The following HPSE2 variants were observed in gnomAD, a reference collection of about 807,000 sequenced individuals.
HPSE2 encodes heparanase 2 (inactive).
In HPSE2, 38 loss-of-function variants were observed where a neutral mutation model predicts 60.5. That is an observed-to-expected ratio of 0.63 (90% CI 0.48 to 0.82). The LOEUF (loss-of-function observed/expected upper bound fraction) is 0.82, where lower values mean the gene tolerates loss of function less well. Ranked by LOEUF, HPSE2 falls within the 40% of genes least tolerant of loss-of-function variation. The pLI, the probability that HPSE2 is intolerant of heterozygous loss-of-function variation, is 0.00. For synonymous variants in HPSE2, 295 were observed against 293.2 expected (o/e 1.01, Z -0.06); for missense variants, 713 against 740.4 (o/e 0.96, Z 0.43).
At chr10:98,545,713 A>G (rs1943648085) in intron 9 of HPSE2, among the ~76,000 whole-genome samples, 1 of 152,032 alleles carries the variant, frequency 6.6e-6, no homozygotes, top group Admixed American at 6.5e-5. Flanking sequence ...ATGGGCAAAA[A>G]CTGGAAGCAT....
intron 2 of HPSE2, among the ~76,000 whole-genome samples, chr10:99,230,569 G>T (rs527448779): frequency 6.6e-6 from 1 of 151,932 alleles, no homozygotes; most frequent in East Asian, 1.9e-4. Context: ...ACAGGGCACT[G>T]CCTTCTGCCA....
At chr10:99,003,420 G>A (rs1450436632) in intron 3 of HPSE2, among the ~76,000 whole-genome samples, 1 of 152,018 alleles carries the variant, frequency 6.6e-6, no homozygotes, top group Non-Finnish European at 1.5e-5. Flanking sequence ...TGAGGAATGT[G>A]CATTCTATTT....
intron 2 of HPSE2, among the ~76,000 whole-genome samples, chr10:99,209,593 C>A (rs1010539295): frequency 6.6e-6 from 1 of 151,438 alleles, no homozygotes; most frequent in Non-Finnish European, 1.5e-5. Flanking sequence ...CAAACTAGGC[C>A]CAAAGTTAGT....
intron 3 of HPSE2, among the ~76,000 whole-genome samples, chr10:99,016,863 T>C (rs2135415972): frequency 1.3e-5 from 2 of 152,260 alleles, no homozygotes; most frequent in South Asian, 4.1e-4. Flanking sequence ...ATGCTAGTGA[T>C]TTTTGCATAT....
chr10:98,745,810 C>T (rs1327164761), intron 3 of HPSE2, among the ~76,000 whole-genome samples: 1 of 152,112 alleles, frequency 6.6e-6, no homozygotes, highest in Admixed American at 6.6e-5. Flanking sequence ...TGCAGAGTTT[C>T]TCAAATGGGG....
chr10:99,044,057 T>C (rs757482130), intron 3 of HPSE2, among the ~76,000 whole-genome samples: 6 of 152,106 alleles, frequency 3.9e-5, no homozygotes, highest in African/African-American at 1.2e-4. Context: ...CTAAGGCACA[T>C]AGTCATCAGA....
intron 6 of HPSE2, among the ~76,000 whole-genome samples, chr10:98,660,637 T>G (rs1271463588): frequency 6.6e-6 from 1 of 152,208 alleles, no homozygotes; most frequent in African/African-American, 2.4e-5. Context: ...TCTCTGCACT[T>G]TGGCTTTCCC....
chr10:98,984,207 C>T (rs1956278885), intron 3 of HPSE2, among the ~76,000 whole-genome samples: 1 of 152,230 alleles, frequency 6.6e-6, no homozygotes, highest in Admixed American at 6.5e-5. Context: ...AAGCAGGTCC[C>T]TGACCCCCAA....
intron 9 of HPSE2, among the ~76,000 whole-genome samples, chr10:98,601,513 G>C (rs560749): frequency 0.92 from 139,517 of 152,242 alleles, 64,818 homozygotes; most frequent in East Asian, 1. Flanking sequence ...ACTACCAACC[G>C]TGATTATCTC....
In HPSE2 at chr10:98,600,926, T is replaced by TATATATATATATATATA. The variant is rs1554950578; in HGVS notation, c.1320+13977_1320+13978insTATATATATATATATAT. Among the ~76,000 whole-genome samples the TATATATATATATATATA allele has an allele frequency of 6.5e-3, 703 of 107,842 alleles. 13 individuals carry two copies. The highest frequency in any genetic ancestry group is 0.01 in the South Asian group (32 of 3,054). 70.7% of individuals were successfully genotyped at this position (107,842 alleles called of 152,430 possible). A position where few individuals can be genotyped will look rare whatever the true frequency, so the allele number is the denominator to read the frequency against. ...ATGTGTGTGTGTATATATATATATA[T>TATATATATATATATATA]ATATATATATATATAGAAAGAGAGA... is the stretch of plus-strand genomic sequence containing the variant. On this transcript the variant is annotated intron_variant, in intron 9 of 11. Coordinates refer to ENST00000370552, the MANE Select transcript of HPSE2 (RefSeq NM_021828.5).
At chr10:99,114,640 T>C (rs1241059677) in intron 3 of HPSE2, among the ~76,000 whole-genome samples, 16 of 151,884 alleles carry the variant, frequency 1.1e-4, no homozygotes, top group Non-Finnish European at 5.9e-5. Context: ...AATGGCTGGG[T>C]GCGGTGGCTC....
At chr10:98,500,804 G>T (rs753039535) in intron 9 of HPSE2, among the ~76,000 whole-genome samples, 3 of 151,862 alleles carry the variant, frequency 2.0e-5, no homozygotes, top group Non-Finnish European at 4.4e-5. Flanking sequence ...AAGAAGAAAA[G>T]AAGATTAAGA....
the HPSE2 span, among the ~76,000 whole-genome samples, chr10:99,272,499 T>C: frequency 4.6e-5 from 7 of 150,696 alleles, no homozygotes; most frequent in African/African-American, 1.5e-4. Context: ...GCCCACAGAG[T>C]GGGAGAAAAT....
At chr10:98,668,678 C>T (rs1253882693) in intron 6 of HPSE2, among the ~76,000 whole-genome samples, 5 of 152,046 alleles carry the variant, frequency 3.3e-5, no homozygotes, top group African/African-American at 7.2e-5. Flanking sequence ...ATTCAATCAA[C>T]GGTGCTGGAA....
At chr10:98,516,398 A>G (rs1190389324) in intron 9 of HPSE2, among the ~76,000 whole-genome samples, 1 of 152,200 alleles carries the variant, frequency 6.6e-6, no homozygotes, top group Non-Finnish European at 1.5e-5. Context: ...ATGTAGCTAA[A>G]TCTCCCTATT....
At chr10:98,683,786 C>A (rs1947844439) in intron 6 of HPSE2, among the ~76,000 whole-genome samples, 1 of 151,886 alleles carries the variant, frequency 6.6e-6, no homozygotes, top group Non-Finnish European at 1.5e-5. Flanking sequence ...GAAAATTTCC[C>A]TAAACTGAAG....
intron 9 of HPSE2, among the ~76,000 whole-genome samples, chr10:98,525,533 G>C (rs1446323180): frequency 2.6e-5 from 4 of 152,250 alleles, no homozygotes; most frequent in Non-Finnish European, 5.9e-5. Context: ...GACAATGAAA[G>C]GAAAAGCTAC....
At chr10:98,733,353 C>G (rs1002856052) in intron 4 of HPSE2, among the ~76,000 whole-genome samples, 26 of 152,212 alleles carry the variant, frequency 1.7e-4, no homozygotes, top group African/African-American at 5.8e-4. Context: ...AACTCCTGAG[C>G]TCAAACAATC....
intron 3 of HPSE2, among the ~76,000 whole-genome samples, chr10:98,797,463 A>G (rs1577671): frequency 0.73 from 110,979 of 152,030 alleles, 41,699 homozygotes; most frequent in Non-Finnish European, 0.83. Flanking sequence ...AAAGAATAAA[A>G]CAGAATGAAG....
Sources: allele counts gnomAD v4.1 joint callset (sites outside exome capture counted in the v4.1 genomes callset), GRCh38; gene constraint gnomAD v4.1.1; transcripts MANE v1.5; gene names NCBI Gene and HGNC (gene_info 2026-07-23, HGNC 2026-07-21).